MCTP1: variants seen among roughly 807,000 people sequenced by gnomAD.
MCTP1 encodes multiple C2 and transmembrane domain containing 1, also known as multiple C2 and transmembrane domain-containing protein 1.
In MCTP1, 69 loss-of-function variants were observed where a neutral mutation model predicts 120.6. The ratio of observed to expected loss-of-function variants is 0.57; its 90% CI spans 0.47 to 0.70. The LOEUF (loss-of-function observed/expected upper bound fraction) is 0.70. Ranked by LOEUF, MCTP1 falls within the 30% of genes least tolerant of loss-of-function variation. The pLI, the probability that MCTP1 is intolerant of heterozygous loss-of-function variation, is 0.00. For synonymous variants in MCTP1, 529 were observed against 493.1 expected (o/e 1.07, Z -0.96); for missense variants, 1,203 against 1,248.8 (o/e 0.96, Z 0.55).
At chr5:95,092,167 TTTG>T (rs760587749) in intron 1 of MCTP1, among the ~76,000 whole-genome samples, 104 of 152,370 alleles carry the variant, frequency 6.8e-4, no homozygotes, top group Admixed American at 1.1e-3. Context: ...TATGGTTTTT[TTTG>T]TTGTTGTTGT....
At chr5:95,152,509 T>C (rs1468792178) in intron 1 of MCTP1, among the ~76,000 whole-genome samples, 1 of 152,216 alleles carries the variant, frequency 6.6e-6, no homozygotes, top group Non-Finnish European at 1.5e-5. Flanking sequence ...TAGGAAATGT[T>C]ACCAGATATG....
At position 95,066,827 on chromosome 5, in the gene MCTP1, G is replaced by A. The variant is rs560393880; in HGVS notation, c.721-49343C>T. The stretch of plus-strand genomic sequence containing the variant: ...AGAAAGTGCAGTGGGGACCGGGGGC[G>A]GAGCGGGGATGGTTTTGAAATGAAA... On this transcript the variant is annotated intron_variant, in intron 1 of 22. Coordinates refer to ENST00000515393, the MANE Select transcript of MCTP1 (RefSeq NM_024717.7). 5.9e-5 allele frequency among the ~76,000 whole-genome samples: 9 copies of A among 152,244 alleles called. No homozygotes were observed. The South Asian group carries it at 1.5e-3, about 25-fold the overall frequency.
intron 19 of MCTP1, among the ~76,000 whole-genome samples, chr5:94,776,930 A>G (rs902454403): frequency 1.6e-4 from 25 of 152,228 alleles, no homozygotes; most frequent in African/African-American, 5.8e-4. Flanking sequence ...AGGAAAAACT[A>G]TATTTCAAGA....
Position 94,891,750 on chromosome 5 carries a change from A to G in MCTP1, c.1840-2778T>C, listed in dbSNP as rs949106466. On this transcript the variant is annotated intron_variant, in intron 11 of 22. Transcript: ENST00000515393. ...ACATCGATTATAATAAGAAGTAAAA[A>G]TAAATAAATAAATAAATAAATAAAT... is the stretch of plus-strand genomic sequence containing the variant. Among the ~76,000 whole-genome samples, 13 of 69,376 alleles carry G rather than the reference A, an allele frequency of 1.9e-4. No individual in the cohort carries two copies. In the South Asian group the frequency reaches 3.3e-3, roughly 18 times the overall value. The allele number at this position is 69,376 out of a possible 152,430, so 45.5% of individuals were successfully genotyped here.
chr5:95,279,544 A>G (rs1200523406), intron 1 of MCTP1, among the ~76,000 whole-genome samples: 3 of 152,208 alleles, frequency 2.0e-5, no homozygotes, highest in African/African-American at 7.2e-5. Context: ...TTGTAATAGC[A>G]GCAATTGCAA....
intron 2 of MCTP1, among the ~76,000 whole-genome samples, chr5:94,965,330 C>T (rs1042334340): frequency 1.3e-5 from 2 of 152,086 alleles, no homozygotes; most frequent in African/African-American, 2.4e-5. Flanking sequence ...CTCTCTTTTC[C>T]TTACAGGAGA....
chr5:94,826,550 A>C lies in MCTP1; in HGVS notation c.2437-27418T>G, dbSNP rs137917681. Reference sequence around the variant, plus strand: ...TGATAGTGCTTCATTTTTTCATAGAAGCTTCCTCCTTCCCTTTCAAAGCAT... The same window carrying C: ...TGATAGTGCTTCATTTTTTCATAGACGCTTCCTCCTTCCCTTTCAAAGCAT... On this transcript the variant is annotated intron_variant, in intron 17 of 22. Coordinates refer to ENST00000515393, the MANE Select transcript of MCTP1 (RefSeq NM_024717.7). 72 of 721,588 alleles carry C rather than the reference A, an allele frequency of 1.0e-4. 1 individual carries two copies. The African/African-American group carries it at 1.1e-3, about 11-fold the overall frequency. The allele number at this position is 721,588 out of a possible 1,614,324, so 44.7% of individuals were successfully genotyped here.
intron 1 of MCTP1, among the ~76,000 whole-genome samples, chr5:95,216,776 C>T (rs1753092148): frequency 6.6e-6 from 1 of 152,184 alleles, no homozygotes; most frequent in African/African-American, 2.4e-5. Flanking sequence ...AACAAGCAAA[C>T]AGATACTTAT....
intron 1 of MCTP1, among the ~76,000 whole-genome samples, chr5:95,077,781 T>C (rs1327549789): frequency 6.6e-6 from 1 of 152,206 alleles, no homozygotes; most frequent in Non-Finnish European, 1.5e-5. Flanking sequence ...CAGTTCGTTA[T>C]ATATAATTTT....
intron 1 of MCTP1, among the ~76,000 whole-genome samples, chr5:95,073,716 T>C (rs1752824908): frequency 6.6e-6 from 1 of 152,152 alleles, no homozygotes; most frequent in Admixed American, 6.5e-5. Flanking sequence ...CCCTTCAGTG[T>C]TTCCTGGTTG....
At chr5:94,866,749 T>TC (rs1371068489) in intron 17 of MCTP1, among the ~76,000 whole-genome samples, 1 of 151,796 alleles carries the variant, frequency 6.6e-6, no homozygotes. Context: ...TGCCTGAGTT[T>TC]TTTTTTTTTA....
At chr5:94,712,832 A>G (rs758935780) in intron 20 of MCTP1, among the ~76,000 whole-genome samples, 34 of 151,824 alleles carry the variant, frequency 2.2e-4, no homozygotes, top group Non-Finnish European at 3.1e-4. Flanking sequence ...GCTCAGAGTC[A>G]TCCATCACAC....
At chr5:94,733,596 C>A (rs185250683) in intron 19 of MCTP1, among the ~76,000 whole-genome samples, 1 of 152,068 alleles carries the variant, frequency 6.6e-6, no homozygotes, top group African/African-American at 2.4e-5. Context: ...AAAAGAAGCC[C>A]CCTTCCCTAT....
chr5:94,846,978 C>T (rs1792535293), intron 17 of MCTP1, among the ~76,000 whole-genome samples: 1 of 152,128 alleles, frequency 6.6e-6, no homozygotes, highest in South Asian at 2.1e-4. Context: ...ATTCCCATTC[C>T]CACCCTACAG....
At chr5:94,971,157 G>A (rs1826762685) in intron 2 of MCTP1, among the ~76,000 whole-genome samples, 2 of 151,916 alleles carry the variant, frequency 1.3e-5, no homozygotes, top group Non-Finnish European at 2.9e-5. Context: ...TTAAAATGAG[G>A]GGATTTCCCA....
At chr5:94,883,765 A>T (rs1800637411) in intron 12 of MCTP1, among the ~76,000 whole-genome samples, 1 of 152,234 alleles carries the variant, frequency 6.6e-6, no homozygotes, top group Admixed American at 6.5e-5. Context: ...ATCCTATTTT[A>T]AAAAGCAACT....
At chr5:94,979,732 A>G (rs1324865347) in intron 2 of MCTP1, 1 of 152,046 alleles carries the variant, frequency 6.6e-6, no homozygotes, top group Non-Finnish European at 1.5e-5. Context: ...GAAAAAAAAC[A>G]CTAGGGGCCC....
intron 1 of MCTP1, among the ~76,000 whole-genome samples, chr5:95,230,223 CATATAT>C (rs1007833601): frequency 9.0e-6 from 1 of 110,652 alleles, no homozygotes; most frequent in Non-Finnish European, 2.1e-5. Flanking sequence ...TATACACATA[CATATAT>C]GTGTGTGTGT....
intron 6 of MCTP1, among the ~76,000 whole-genome samples, chr5:94,926,454 A>T (rs1813150414): frequency 1.3e-5 from 2 of 152,152 alleles, no homozygotes; most frequent in Non-Finnish European, 2.9e-5. Flanking sequence ...CTGTTCATCA[A>T]AACAATGGCT....
Sources: gnomAD v4.1 joint callset for allele counts (sites outside exome capture counted in the v4.1 genomes callset) on GRCh38, gnomAD v4.1.1 for gene constraint, MANE v1.5 for transcripts, NCBI Gene and HGNC (gene_info 2026-07-23, HGNC 2026-07-21) for gene names.